The following PCDHA13 variants were observed in gnomAD, a reference collection of about 807,000 sequenced individuals.
The protein encoded by PCDHA13 is protocadherin alpha 13, also known as protocadherin alpha-13.
A neutral mutation model predicts 64.8 loss-of-function variants in PCDHA13; 54 were observed. The ratio of observed to expected loss-of-function variants is 0.83; its 90% CI spans 0.67 to 1.04. PCDHA13 has a LOEUF of 1.04. PCDHA13 is among the 50% of genes least tolerant of loss of function. The pLI is 0.00. For missense variants in PCDHA13, 1,248 were observed against 1,254.3 expected (o/e 0.99, Z 0.08); for synonymous variants, 587 against 564.4 (o/e 1.04, Z -0.57).
intron 1 of PCDHA13, among the ~76,000 whole-genome samples, chr5:140,950,286 C>G (rs2094469059): frequency 6.6e-6 from 1 of 151,924 alleles, no homozygotes; most frequent in Non-Finnish European, 1.5e-5. Flanking sequence ...TTGCTTCAAC[C>G]TGAAAAACTT....
intron 3 of PCDHA13, among the ~76,000 whole-genome samples, chr5:141,002,939 A>G (rs2098103546): frequency 6.6e-6 from 1 of 152,238 alleles, no homozygotes; most frequent in Admixed American, 6.5e-5. Context: ...AACACCCTCC[A>G]GCACATGCCC....
intron 3 of PCDHA13, among the ~76,000 whole-genome samples, chr5:140,996,183 T>C (rs1360004898): frequency 6.6e-6 from 1 of 152,232 alleles, no homozygotes; most frequent in African/African-American, 2.4e-5. Context: ...AGCACCTCCA[T>C]TTTATACCCT....
rs782099262 is a variant in PCDHA13 at position 140,927,918 on chromosome 5, C to A, written c.2394+43256C>A. 3.7e-6 allele frequency: 6 copies of A among 1,614,220 alleles called. No homozygotes were observed. In the South Asian group the frequency reaches 4.4e-5, roughly 12 times the overall value. ...ACGATCATGCCCCCGAACTGGACTT[C>A]CTGACTCTTTCGAACCCAGTACCTG... On this transcript the variant is annotated intron_variant, in intron 1 of 3. Transcript: ENST00000289272.
chr5:140,884,319 C>T lies in PCDHA13; in HGVS notation c.2051C>T (p.Ala684Val). ...CCACAGGCTTCGTCGAGGGCGTCGG[C>T]AGGCGCTGTGGGTCCAGAAGCGGCG... ...QAPQASSRAS[A>V]GAVGPEAALV... Residue 684 changes from alanine to valine, a missense_variant, in exon 1 of 4, where the codon GCA (alanine) becomes GTA (valine). Ala to Val is a moderately conservative substitution (Grantham distance 64, BLOSUM62 0). Transcript: ENST00000289272. 6.2e-7 allele frequency: 1 copy of T among 1,613,800 alleles called. No homozygotes were observed. The highest frequency in any genetic ancestry group is 8.5e-7 in the Non-Finnish European group (1 of 1,179,860).
chr5:140,901,301 G>A (rs990062811), intron 1 of PCDHA13, among the ~76,000 whole-genome samples: 11 of 152,112 alleles, frequency 7.2e-5, no homozygotes, highest in Non-Finnish European at 1.5e-4. Flanking sequence ...CTGATGTTCC[G>A]GAGAGTTTCC....
At chr5:141,001,333 T>G (rs1554258097) in intron 3 of PCDHA13, among the ~76,000 whole-genome samples, 1 of 152,178 alleles carries the variant, frequency 6.6e-6, no homozygotes, top group African/African-American at 2.4e-5. Context: ...TCACCATAAT[T>G]TACATGATGT....
chr5:140,915,785 A>T (rs188846929), intron 1 of PCDHA13, among the ~76,000 whole-genome samples: 14 of 152,134 alleles, frequency 9.2e-5, no homozygotes, highest in Admixed American at 7.2e-4. Flanking sequence ...TGCTGTAACC[A>T]CTACCTGACT....
chr5:140,945,992 G>T (rs1271634546), intron 1 of PCDHA13, among the ~76,000 whole-genome samples: 1 of 151,978 alleles, frequency 6.6e-6, no homozygotes, highest in Non-Finnish European at 1.5e-5. Flanking sequence ...CTAATGGATT[G>T]CATCAAACTA....
rs1310141347 is a variant in PCDHA13, at chr5:140,970,963, T to C, written c.2395-7986T>C. ...TGCTGAGAAACCATGGGAGGCAGAT[T>C]GTAGATTAAGAAAAATGGGGGAATA... On this transcript the variant is annotated intron_variant, in intron 1 of 3. Coordinates refer to ENST00000289272, the MANE Select transcript of PCDHA13 (RefSeq NM_018904.3). Among the ~76,000 whole-genome samples, 41 of 152,180 alleles carry C rather than the reference T, an allele frequency of 2.7e-4. 1 individual carries two copies. Among genetic ancestry groups the C allele is most frequent in the Admixed American group, 2.7e-3 (41 of 15,274 alleles).
chr5:141,004,897 G>T (rs1455115465), intron 3 of PCDHA13, among the ~76,000 whole-genome samples: 1 of 152,154 alleles, frequency 6.6e-6, no homozygotes, highest in Non-Finnish European at 1.5e-5. Context: ...TGTCAGCTCT[G>T]CCAGGGTGTA....
At position 140,946,611 on chromosome 5, in the gene PCDHA13, A is replaced by AATATATATATATATATAT. The variant is rs1554217734; in HGVS notation, c.2395-32334_2395-32317dup. Among the ~76,000 whole-genome samples, 487 of 86,718 alleles carry AATATATATATATATATAT rather than the reference A, an allele frequency of 5.6e-3. 17 individuals are homozygous for AATATATATATATATATAT. The highest frequency in any genetic ancestry group is 0.01 in the African/African-American group (158 of 15,660). 56.9% of individuals were successfully genotyped at this position (86,718 alleles called of 152,430 possible). The stretch of plus-strand genomic sequence containing the variant: ...GGATGAATAGATAAAGAAAATGTGA[A>AATATATATATATATATAT]ATATATATATATATATATATACAAT... On this transcript the variant is annotated intron_variant, in intron 1 of 3. Coordinates refer to ENST00000289272, the MANE Select transcript of PCDHA13 (RefSeq NM_018904.3).
intron 1 of PCDHA13, chr5:140,928,160 C>T (rs782224079): frequency 1.2e-6 from 2 of 1,614,094 alleles, no homozygotes; most frequent in Non-Finnish European, 1.7e-6. Context: ...AGTGGCTCAC[C>T]CCCACTTAGC....
At chr5:140,916,279 C>T (rs2077510203) in intron 1 of PCDHA13, among the ~76,000 whole-genome samples, 1 of 152,228 alleles carries the variant, frequency 6.6e-6, no homozygotes, top group Admixed American at 6.5e-5. Context: ...TGTTGCTCTA[C>T]TCCACGTGGC....
At chr5:140,994,214 G>A (rs2153923643) in intron 3 of PCDHA13, among the ~76,000 whole-genome samples, 1 of 152,296 alleles carries the variant, frequency 6.6e-6, no homozygotes, top group South Asian at 2.1e-4. Flanking sequence ...ATGGGACCCA[G>A]GGTCTGTCTA....
At position 141,010,191 on chromosome 5, in the gene PCDHA13, C is replaced by T; in HGVS notation, c.*254C>T. 1 of 1,552,476 alleles carries T rather than the reference C, an allele frequency of 6.4e-7. No homozygotes were observed. The highest frequency in any genetic ancestry group is 1.4e-5 in the African/African-American group (1 of 73,166). ...AACCTAAAAAGCAGACCCAAGTTTCCTTTCTCCTCCGCCGCAAAGGAGAGG... is the reference window on the plus strand; with the variant it reads ...AACCTAAAAAGCAGACCCAAGTTTCTTTTCTCCTCCGCCGCAAAGGAGAGG... On this transcript the variant is annotated 3_prime_UTR_variant, in exon 4 of 4. Transcript: ENST00000289272.
rs1554202869 is a variant in PCDHA13, at chr5:140,925,671, A to AATG, written c.2394+41011_2394+41012insGAT. Among the ~76,000 whole-genome samples the AATG allele has an allele frequency of 4.6e-4, 68 of 148,180 alleles. 1 individual carries two copies. The highest frequency in any genetic ancestry group is 1.6e-3 in the African/African-American group (66 of 40,022). On this transcript the variant is annotated intron_variant, in intron 1 of 3. Transcript: ENST00000289272. ...TAATAATAATAATAATAATAATAAT[A>AATG]ATAATAAAGCGAGGGTGGGTATCTA...
chr5:140,969,198 C>T lies in PCDHA13; in HGVS notation c.2395-9751C>T, dbSNP rs2096305688. ...AGTGACACTTTCATGTTTTACAATA[C>T]AGGGGCCCAGACAGGACCAGGGCCT... On this transcript the variant is annotated intron_variant, in intron 1 of 3. Coordinates refer to ENST00000289272, the MANE Select transcript of PCDHA13 (RefSeq NM_018904.3). 1 of 1,614,166 alleles carries T rather than the reference C, an allele frequency of 6.2e-7. No individual in the cohort carries two copies. Among genetic ancestry groups the T allele is most frequent in the Non-Finnish European group, 8.5e-7 (1 of 1,180,032 alleles).
At chr5:141,000,422 T>TATC (rs1491457105) in intron 3 of PCDHA13, among the ~76,000 whole-genome samples, 2 of 51,852 alleles carry the variant, frequency 3.9e-5, no homozygotes, top group African/African-American at 1.7e-4. Context: ...TATATATATA[T>TATC]TTTTTTTTTT....
At chr5:140,942,530 T>C (rs963252648) in intron 1 of PCDHA13, among the ~76,000 whole-genome samples, 5 of 151,374 alleles carry the variant, frequency 3.3e-5, no homozygotes, top group Non-Finnish European at 5.9e-5. Flanking sequence ...AGCAACTAAC[T>C]CAGTATGGTG....
Sources: gnomAD v4.1 joint callset for allele counts (sites outside exome capture counted in the v4.1 genomes callset) on GRCh38, gnomAD v4.1.1 for gene constraint, MANE v1.5 for transcripts, NCBI Gene and HGNC (gene_info 2026-07-23, HGNC 2026-07-21) for gene names.